LHFPL3: variants seen among roughly 807,000 people sequenced by gnomAD.
LHFPL3 encodes LHFPL tetraspan subfamily member 3 protein.
Under a neutral mutation model 19.3 loss-of-function variants are expected in LHFPL3, and 5 were observed. The ratio of observed to expected loss-of-function variants is 0.26; its 90% CI spans 0.14 to 0.54. The LOEUF (loss-of-function observed/expected upper bound fraction) is 0.54. LHFPL3 is among the 20% of genes least tolerant of loss of function. The pLI, the probability that LHFPL3 is intolerant of heterozygous loss-of-function variation, is 0.94. For synonymous variants in LHFPL3, 133 were observed against 126.2 expected, an observed-to-expected ratio of 1.05 and a Z score of -0.36; for missense variants, 249 against 307.4, an observed-to-expected ratio of 0.81 and a Z score of 1.42.
chr7:104,735,523 G>A lies in LHFPL3; in HGVS notation c.446-1152G>A, dbSNP rs117840048. On this transcript the variant is annotated intron_variant, in intron 1 of 2. Coordinates refer to ENST00000424859, the MANE Select transcript of LHFPL3 (RefSeq NM_199000.3). ...GCATAGGACCCTCCGAGCCAGTTGC[G>A]GGATCTGATCTGCTGGTGTGCTGTT... Among the ~76,000 whole-genome samples the A allele has an allele frequency of 2.5e-3, 378 of 152,358 alleles. 3 individuals carry two copies. Among genetic ancestry groups the A allele is most frequent in the African/African-American group, 7.5e-3 (311 of 41,580 alleles).
At chr7:104,360,785 C>T (rs974544641) in intron 1 of LHFPL3, among the ~76,000 whole-genome samples, 4 of 149,040 alleles carry the variant, frequency 2.7e-5, no homozygotes, top group African/African-American at 9.9e-5. Flanking sequence ...ACAAGAAATA[C>T]TTTGAAGAAA....
intron 2 of LHFPL3, among the ~76,000 whole-genome samples, chr7:104,838,876 TA>T (rs1234578740): frequency 6.6e-6 from 1 of 152,218 alleles, no homozygotes; most frequent in Non-Finnish European, 1.5e-5. Flanking sequence ...ATAATGTAGT[TA>T]ATACCAGAAC....
At chr7:104,447,626 G>A (rs1370680313) in intron 1 of LHFPL3, among the ~76,000 whole-genome samples, 1 of 152,018 alleles carries the variant, frequency 6.6e-6, no homozygotes, top group Admixed American at 6.5e-5. Flanking sequence ...GTAGTGTTTA[G>A]CACCAACGAC....
At chr7:104,474,067 G>A (rs1200264326) in intron 1 of LHFPL3, among the ~76,000 whole-genome samples, 1 of 152,152 alleles carries the variant, frequency 6.6e-6, no homozygotes, top group East Asian at 1.9e-4. Flanking sequence ...GTAGGAAAAT[G>A]TCCCAAGCTA....
chr7:104,858,817 C>T (rs891360178), intron 2 of LHFPL3, among the ~76,000 whole-genome samples: 1 of 152,100 alleles, frequency 6.6e-6, no homozygotes, highest in African/African-American at 2.4e-5. Flanking sequence ...TTTTTCTCCA[C>T]ATTGGAGTAC....
At chr7:104,854,712 A>G (rs935056120) in intron 2 of LHFPL3, among the ~76,000 whole-genome samples, 18 of 152,220 alleles carry the variant, frequency 1.2e-4, no homozygotes, top group African/African-American at 3.9e-4. Context: ...GTAATTTCTC[A>G]TAGCTTCAGT....
chr7:104,736,930 A>G lies in LHFPL3; in HGVS notation c.682+19A>G. ...AACAAAGGTAAGATTGCTTTAAGGAACTCTTACCTGGATGCCTCAAGCACA... is the reference window on the plus strand; with the variant it reads ...AACAAAGGTAAGATTGCTTTAAGGAGCTCTTACCTGGATGCCTCAAGCACA... On this transcript the variant is annotated intron_variant, in intron 2 of 2. Transcript: ENST00000424859. 1.3e-6 allele frequency: 2 copies of G among 1,556,802 alleles called. No homozygotes were observed. The highest frequency in any genetic ancestry group is 1.2e-5 in the South Asian group (1 of 85,054).
intron 2 of LHFPL3, among the ~76,000 whole-genome samples, chr7:104,746,321 A>AG (rs1554432261): frequency 1.3e-5 from 2 of 152,086 alleles, no homozygotes; most frequent in African/African-American, 2.4e-5. Context: ...CAAAAAAAAA[A>AG]GTATTCCAGG....
chr7:104,481,557 A>G (rs1335385825), intron 1 of LHFPL3, among the ~76,000 whole-genome samples: 1 of 151,236 alleles, frequency 6.6e-6, no homozygotes, highest in Non-Finnish European at 1.5e-5. Context: ...TGGTCTCCCT[A>G]TTGTTCATGT....
intron 2 of LHFPL3, among the ~76,000 whole-genome samples, chr7:104,812,481 C>A (rs1386747692): frequency 6.6e-6 from 1 of 152,034 alleles, no homozygotes; most frequent in Admixed American, 6.6e-5. Context: ...CATAATGAGA[C>A]CCCCATGTCT....
In LHFPL3 at chr7:104,463,972, A is replaced by C. The variant is rs543193959; in HGVS notation, c.445+134748A>C. 2.0e-5 allele frequency among the ~76,000 whole-genome samples: 3 copies of C among 152,280 alleles called. No individual in the cohort carries two copies. In the South Asian group the frequency reaches 6.2e-4, roughly 32 times the overall value. On this transcript the variant is annotated intron_variant, in intron 1 of 2. Coordinates refer to ENST00000424859, the MANE Select transcript of LHFPL3 (RefSeq NM_199000.3). The stretch of plus-strand genomic sequence containing the variant: ...CATTAACTCAAAAGTCCACGTCCAA[A>C]GTCTCACCTGAGACAAGGCAAGTCC...
chr7:104,474,708 A>AAAG (rs1491152534), intron 1 of LHFPL3, among the ~76,000 whole-genome samples: 2 of 150,170 alleles, frequency 1.3e-5, no homozygotes, highest in African/African-American at 4.9e-5. Context: ...AAAAAAAAAA[A>AAAG]GAAAGGGTCT....
At chr7:104,381,582 CA>C (rs11306451) in intron 1 of LHFPL3, among the ~76,000 whole-genome samples, 57,286 of 150,394 alleles carry the variant, frequency 0.38, 11,209 homozygotes, top group Admixed American at 0.5. Context: ...CTCCCACACG[CA>C]GTTATTAAAT....
At chr7:104,583,603 C>G (rs1384691115) in intron 1 of LHFPL3, among the ~76,000 whole-genome samples, 1 of 152,158 alleles carries the variant, frequency 6.6e-6, no homozygotes. Flanking sequence ...AGAACCCAAA[C>G]AAATTTACAA....
chr7:104,521,580 C>G (rs1410451949), intron 1 of LHFPL3, among the ~76,000 whole-genome samples: 1 of 151,986 alleles, frequency 6.6e-6, no homozygotes, highest in Non-Finnish European at 1.5e-5. Flanking sequence ...GCAAAAGAAA[C>G]TACCATCAGA....
intron 1 of LHFPL3, among the ~76,000 whole-genome samples, chr7:104,673,622 A>G (rs1792528724): frequency 6.6e-6 from 1 of 152,186 alleles, no homozygotes; most frequent in Admixed American, 6.5e-5. Context: ...CTCTTTGGGC[A>G]AATAGGCATG....
intron 1 of LHFPL3, among the ~76,000 whole-genome samples, chr7:104,730,597 T>G (rs1449345646): frequency 1.3e-5 from 1 of 75,244 alleles, no homozygotes; most frequent in Non-Finnish European, 3.1e-5. Flanking sequence ...GGGTTGTTTG[T>G]TTTTTTCTTG....
intron 1 of LHFPL3, among the ~76,000 whole-genome samples, chr7:104,474,583 C>T (rs1012196942): frequency 6.7e-6 from 1 of 149,200 alleles, no homozygotes. Flanking sequence ...ATGAGAATGG[C>T]GTGAACCCGG....
chr7:104,861,210 G>C (rs1791613438), intron 2 of LHFPL3, among the ~76,000 whole-genome samples: 1 of 152,146 alleles, frequency 6.6e-6, no homozygotes. Context: ...ATTAAAGACA[G>C]TTTCAAAAAC....
Sources: gnomAD v4.1 joint callset for allele counts (sites outside exome capture counted in the v4.1 genomes callset) on GRCh38, gnomAD v4.1.1 for gene constraint, MANE v1.5 for transcripts, NCBI Gene and HGNC (gene_info 2026-07-23, HGNC 2026-07-21) for gene names.